Variants in ZNF717 observed in about 807,000 individuals in gnomAD.
ZNF717 encodes the protein zinc finger protein 717.
In ZNF717, 9 loss-of-function variants were observed where a neutral mutation model predicts 13.8. The ratio of observed to expected loss-of-function variants is 0.65; its 90% confidence interval spans 0.39 to 1.14. ZNF717 has a LOEUF of 1.14. Ranked by LOEUF, ZNF717 falls within the 50% of genes most tolerant of loss-of-function variation. The pLI is 0.01. For missense variants in ZNF717, 1,040 were observed against 1,080.7 expected (o/e 0.96, Z 0.53); for synonymous variants, 327 against 364.1 (o/e 0.90, Z 1.16).
At chr3:75,731,937 T>G (rs1357530821), downstream of ZNF717, 10 of 640,678 alleles carry the variant, frequency 1.6e-5, no homozygotes, top group African/African-American at 1.5e-4. Flanking sequence ...TAGGAACCAG[T>G]GCTGGAGTAG....
intron 6 of ZNF717, among the ~76,000 whole-genome samples, chr3:75,702,959 C>T (rs1201393887): frequency 6.6e-6 from 1 of 152,306 alleles, no homozygotes; most frequent in African/African-American, 2.4e-5. Context: ...TAATCCTAAG[C>T]CATAGCTCTC....
intron 2 of ZNF717, among the ~76,000 whole-genome samples, chr3:75,782,791 T>C (rs753468837): frequency 6.6e-6 from 1 of 151,814 alleles, no homozygotes; most frequent in African/African-American, 2.4e-5. Context: ...CAACACACCG[T>C]GCTTTAGCGG....
intron 2 of ZNF717, among the ~76,000 whole-genome samples, chr3:75,777,269 A>AAACAATGGGAGTGACATGCTAAAACCG (rs1335118488): frequency 6.9e-5 from 10 of 145,584 alleles, no homozygotes; most frequent in Non-Finnish European, 1.2e-4. Context: ...TGCTAAACCA[A>AAACAATGGGAGTGACATGCTAAAACCG]AAACCCAAAA....
At chr3:75,755,582 G>A (rs1391186810) in intron 2 of ZNF717, among the ~76,000 whole-genome samples, 8 of 150,282 alleles carry the variant, frequency 5.3e-5, no homozygotes, top group African/African-American at 2.0e-4. Context: ...ATGGAAGGAT[G>A]GGAGGGAGGA....
At chr3:75,751,729 G>A (rs1394687157) in intron 2 of ZNF717, among the ~76,000 whole-genome samples, 3 of 147,882 alleles carry the variant, frequency 2.0e-5, no homozygotes, top group Non-Finnish European at 4.5e-5. Flanking sequence ...GAACACTGCT[G>A]TTGGGTTCTG....
intron 5 of ZNF717, among the ~76,000 whole-genome samples, chr3:75,712,855 C>A (rs1436015273): frequency 6.6e-6 from 1 of 152,042 alleles, no homozygotes; most frequent in African/African-American, 2.4e-5. Context: ...ATTATTACTT[C>A]TTTCTCAATA....
At chr3:75,766,930 G>C (rs1251144240) in intron 2 of ZNF717, among the ~76,000 whole-genome samples, 1 of 152,264 alleles carries the variant, frequency 6.6e-6, no homozygotes, top group Non-Finnish European at 1.5e-5. Context: ...AATGTATTTG[G>C]AACAAACTTG....
At chr3:75,726,187 T>C (rs796113932), downstream of ZNF717, among the ~76,000 whole-genome samples, 1 of 152,282 alleles carries the variant, frequency 6.6e-6, no homozygotes, top group Non-Finnish European at 1.5e-5. Flanking sequence ...GCATTTGTTA[T>C]GTGATTCTTT....
downstream of ZNF717, among the ~76,000 whole-genome samples, chr3:75,733,965 T>G (rs1330963940): frequency 1.4e-5 from 2 of 138,998 alleles, no homozygotes; most frequent in Admixed American, 1.4e-4. Context: ...AAACAAAAGT[T>G]GAGGAAACTT....
downstream of ZNF717, among the ~76,000 whole-genome samples, chr3:75,726,016 C>T (rs1938271893): frequency 6.6e-6 from 1 of 152,200 alleles, no homozygotes; most frequent in Non-Finnish European, 1.5e-5. Context: ...GGCTTTGTGG[C>T]TCATTATGAA....
chr3:75,703,297 A>T (rs1347569573), intron 6 of ZNF717, among the ~76,000 whole-genome samples: 2 of 152,306 alleles, frequency 1.3e-5, no homozygotes, highest in Non-Finnish European at 2.9e-5. Flanking sequence ...TTGGGAGGCC[A>T]AGGTGGGCAG....
At position 75,777,960 on chromosome 3, in the gene ZNF717, G is replaced by C. The variant is rs115558945; in HGVS notation, c.57+5346C>G. Among the ~76,000 whole-genome samples, 10 of 146,888 alleles carry C rather than the reference G, an allele frequency of 6.8e-5. No homozygotes were observed. In the East Asian group the frequency reaches 2.1e-3, roughly 31 times the overall value. ...TGGAAACCAAAACAATGGGAGTGAC[G>C]TGCTAAAACCGGAAACCAAAAAAAA... On this transcript the variant is annotated intron_variant, in intron 2 of 4. Transcript: ENST00000652011.
chr3:75,778,102 G>T (rs184733810), intron 2 of ZNF717, among the ~76,000 whole-genome samples: 3 of 148,492 alleles, frequency 2.0e-5, no homozygotes, highest in South Asian at 2.2e-4. Context: ...TGGGAGTGAC[G>T]TGCTAAAACC....
chr3:75,734,815 ATATTTTT>A (rs1188375590), downstream of ZNF717, among the ~76,000 whole-genome samples: 317 of 42,966 alleles, frequency 7.4e-3, no homozygotes, highest in Middle Eastern at 0.031. Context: ...ATATATATAT[ATATTTTT>A]TTTTTTTTTT....
chr3:75,756,331 T>TTTTTATCAAAATTAAAA, intron 2 of ZNF717, among the ~76,000 whole-genome samples: 1 of 136,726 alleles, frequency 7.3e-6, no homozygotes, highest in East Asian at 2.1e-4. Flanking sequence ...TAATATTAAA[T>TTTTTATCAAAATTAAAA]TGTGGCCAAT....
chr3:75,742,393 T>C (rs1249426093), intron 2 of ZNF717, among the ~76,000 whole-genome samples: 23 of 150,936 alleles, frequency 1.5e-4, no homozygotes, highest in Non-Finnish European at 3.1e-4. Flanking sequence ...AATATATAAG[T>C]ATAAACACAT....
chr3:75,762,142 A>G (rs146362666), intron 2 of ZNF717, among the ~76,000 whole-genome samples: 4,198 of 152,220 alleles, frequency 0.028, 17 homozygotes, highest in Non-Finnish European at 0.041. Context: ...GAAATTTTTA[A>G]AAAGAATGAC....
chr3:75,713,284 G>T (rs1196031556), intron 5 of ZNF717, among the ~76,000 whole-genome samples: 3 of 151,990 alleles, frequency 2.0e-5, no homozygotes, highest in Non-Finnish European at 4.4e-5. Context: ...CCCAGTAGCT[G>T]GGACTACAGG....
intron 2 of ZNF717, among the ~76,000 whole-genome samples, chr3:75,768,294 CTGAG>C (rs1326263063): frequency 2.2e-5 from 3 of 137,436 alleles, no homozygotes; most frequent in Non-Finnish European, 3.1e-5. Flanking sequence ...CTCACTGTGG[CTGAG>C]TGTGTCGGGG....
Sources: gnomAD v4.1 joint callset for allele counts (sites outside exome capture counted in the v4.1 genomes callset) on GRCh38, gnomAD v4.1.1 for gene constraint, MANE v1.5 for transcripts, NCBI Gene and HGNC (gene_info 2026-07-23, HGNC 2026-07-21) for gene names.